The following DSCAM variants were observed in gnomAD, a reference collection of about 807,000 sequenced individuals.
DSCAM encodes the protein cell adhesion molecule DSCAM.
DSCAM carries 47 observed loss-of-function variants against 217.7 expected under a neutral mutation model. The observed-to-expected ratio is 0.22, with a 90% CI of 0.17 to 0.28. DSCAM has a LOEUF of 0.28. DSCAM is among the 10% of genes least tolerant of loss of function. DSCAM has a pLI of 1.00. For synonymous variants in DSCAM, 1,056 were observed against 1,015.3 expected (o/e 1.04, Z -0.76); for missense variants, 2,080 against 2,618.3 (o/e 0.79, Z 4.49).
At chr21:40,185,975 C>A (rs56862163) in intron 14 of DSCAM, among the ~76,000 whole-genome samples, 1 of 152,132 alleles carries the variant, frequency 6.6e-6, no homozygotes, top group Non-Finnish European at 1.5e-5. Flanking sequence ...CACTTCTAGG[C>A]CCCCAGTTGC....
chr21:40,132,667 G>T (rs2090165596), intron 19 of DSCAM, among the ~76,000 whole-genome samples: 1 of 152,234 alleles, frequency 6.6e-6, no homozygotes, highest in Admixed American at 6.5e-5. Flanking sequence ...GCCTGGGGCT[G>T]CTCGGAGGAG....
intron 32 of DSCAM, among the ~76,000 whole-genome samples, chr21:40,029,464 T>C (rs79101286): frequency 0.016 from 2,375 of 151,476 alleles, 26 homozygotes; most frequent in Middle Eastern, 0.041. Flanking sequence ...CACTGCCTGG[T>C]GCCAACTTGT....
intron 11 of DSCAM, among the ~76,000 whole-genome samples, chr21:40,262,748 AGT>A (rs1442554953): frequency 6.6e-6 from 1 of 152,218 alleles, no homozygotes; most frequent in Non-Finnish European, 1.5e-5. Flanking sequence ...GCTGGAGGGC[AGT>A]GATAGAAATG....
At chr21:40,579,983 C>T (rs555953668) in intron 3 of DSCAM, among the ~76,000 whole-genome samples, 12 of 152,228 alleles carry the variant, frequency 7.9e-5, no homozygotes, top group East Asian at 3.9e-4. Flanking sequence ...GGCTAGGGTC[C>T]GTGCTACACG....
chr21:40,628,986 A>G (rs1848266526), intron 3 of DSCAM, among the ~76,000 whole-genome samples: 1 of 151,892 alleles, frequency 6.6e-6, no homozygotes, highest in South Asian at 2.1e-4. Context: ...GCCTCAAGCA[A>G]TCTGCCGGCC....
chr21:40,606,270 G>A (rs2089237021), intron 3 of DSCAM, among the ~76,000 whole-genome samples: 1 of 152,150 alleles, frequency 6.6e-6, no homozygotes, highest in African/African-American at 2.4e-5. Context: ...TGGTGTTGGG[G>A]CCACGAGGGG....
intron 13 of DSCAM, 99 bp from the exon 14 acceptor site, chr21:40,187,358 C>T (rs1192476348): frequency 1.3e-5 from 19 of 1,436,522 alleles, no homozygotes; most frequent in Non-Finnish European, 1.5e-5. Context: ...GATTTGTCTG[C>T]ATTAGACAAG....
intron 11 of DSCAM, among the ~76,000 whole-genome samples, chr21:40,220,782 T>C (rs1170802763): frequency 6.6e-6 from 1 of 152,182 alleles, no homozygotes; most frequent in African/African-American, 2.4e-5. Context: ...AGAGGTATTG[T>C]GCATGTGTGA....
chr21:40,345,509 ATTC>A (rs2074548121), intron 6 of DSCAM, among the ~76,000 whole-genome samples: 1 of 152,072 alleles, frequency 6.6e-6, no homozygotes, highest in African/African-American at 2.4e-5. Context: ...AACTTTTATT[ATTC>A]TTTTTTAAAA....
In DSCAM at chr21:40,407,949, G is replaced by C. The variant is rs188338663; in HGVS notation, c.509-38704C>G. On this transcript the variant is annotated intron_variant, in intron 3 of 32. Transcript: ENST00000400454. The stretch of plus-strand genomic sequence containing the variant: ...ACCAGATCCAGAGGAATATCTTGAT[G>C]GTTCCTTATCTTTCAAGGAGCCCAT... 3.0e-4 allele frequency among the ~76,000 whole-genome samples: 46 copies of C among 152,316 alleles called. No individual in the cohort carries two copies. In the East Asian group the frequency reaches 6.0e-3, roughly 20 times the overall value.
chr21:40,842,613 G>A (rs944235050), intron 1 of DSCAM, among the ~76,000 whole-genome samples: 3 of 151,964 alleles, frequency 2.0e-5, no homozygotes, highest in African/African-American at 7.3e-5. Flanking sequence ...GTTTTAATAC[G>A]CATTGAATTG....
chr21:40,700,708 T>C (rs1480758517), intron 2 of DSCAM, among the ~76,000 whole-genome samples: 1 of 151,792 alleles, frequency 6.6e-6, no homozygotes, highest in African/African-American at 2.4e-5. Context: ...GAAGAATTTG[T>C]TTATAATTTT....
chr21:40,253,118 C>T (rs1193499696), intron 11 of DSCAM, among the ~76,000 whole-genome samples: 3 of 152,130 alleles, frequency 2.0e-5, no homozygotes, highest in Non-Finnish European at 4.4e-5. Flanking sequence ...GAGCACAGGA[C>T]GATGATGCCT....
At chr21:40,617,775 A>G (rs909370802) in intron 3 of DSCAM, among the ~76,000 whole-genome samples, 1 of 152,222 alleles carries the variant, frequency 6.6e-6, no homozygotes, top group African/African-American at 2.4e-5. Flanking sequence ...GCACTGACTT[A>G]GAAGAAGCTA....
At chr21:40,354,848 CAAAAAAAAA>C (rs11314417) in intron 4 of DSCAM, among the ~76,000 whole-genome samples, 2 of 112,376 alleles carry the variant, frequency 1.8e-5, no homozygotes, top group Non-Finnish European at 3.5e-5. Flanking sequence ...AACTCTGTCT[CAAAAAAAAA>C]AAAAAAAAAA....
intron 20 of DSCAM, among the ~76,000 whole-genome samples, chr21:40,101,568 T>C (rs1418988691): frequency 6.6e-6 from 1 of 152,040 alleles, no homozygotes; most frequent in Non-Finnish European, 1.5e-5. Context: ...GCATGCAGTA[T>C]AGGTCCCTAG....
At position 40,013,033 on chromosome 21, in the gene DSCAM, G is replaced by T; in HGVS notation, c.*1C>A. ...CAACCGCTGTCCAGTCATGCTGTCT[G>T]TTATACCAGGGTGTAAGATTTTGCG... On this transcript the variant is annotated 3_prime_UTR_variant, in exon 33 of 33. Transcript: ENST00000400454. 1 of 1,480,190 alleles carries T rather than the reference G, an allele frequency of 6.8e-7. No homozygotes were observed. The highest frequency in any genetic ancestry group is 1.5e-5 in the South Asian group (1 of 65,354). The allele number at this position is 1,480,190 out of a possible 1,614,324, so 91.7% of individuals were successfully genotyped here.
intron 8 of DSCAM, among the ~76,000 whole-genome samples, chr21:40,324,724 C>T (rs553756266): frequency 1.3e-5 from 2 of 152,222 alleles, no homozygotes; most frequent in African/African-American, 2.4e-5. Flanking sequence ...GCAATAATAC[C>T]TTCATACAGA....
intron 3 of DSCAM, among the ~76,000 whole-genome samples, chr21:40,586,259 A>T (rs2076946311): frequency 6.6e-6 from 1 of 152,230 alleles, no homozygotes; most frequent in Non-Finnish European, 1.5e-5. Context: ...CCAAAAGCAG[A>T]TGCTGGCACC....
Sources: gnomAD v4.1 joint callset for allele counts (sites outside exome capture counted in the v4.1 genomes callset) on GRCh38, gnomAD v4.1.1 for gene constraint, MANE v1.5 for transcripts, NCBI Gene and HGNC (gene_info 2026-07-23, HGNC 2026-07-21) for gene names.